CFDP1: variants seen among roughly 807,000 people sequenced by gnomAD.
CFDP1 encodes the protein chromatin remodeling protein CFDP1.
CFDP1 carries 31 observed loss-of-function variants against 40.1 expected under a neutral mutation model. The observed-to-expected ratio is 0.77, with a 90% CI of 0.58 to 1.04. The LOEUF is 1.04. Among genes scored for constraint, CFDP1 ranks in the 50% least tolerant of loss-of-function variants. The pLI is 0.00. For synonymous variants in CFDP1, 167 were observed against 120.0 expected (o/e 1.39, Z -2.56); for missense variants, 423 against 343.4 (o/e 1.23, Z -1.83).
At chr16:75,371,175 A>T (rs1164641150) in intron 5 of CFDP1, among the ~76,000 whole-genome samples, 1 of 152,218 alleles carries the variant, frequency 6.6e-6, no homozygotes, top group Non-Finnish European at 1.5e-5. Flanking sequence ...TTTGTACCGC[A>T]GGATGTTTAG....
intron 5 of CFDP1, among the ~76,000 whole-genome samples, chr16:75,329,833 T>G (rs1297824103): frequency 1.3e-5 from 2 of 152,220 alleles, no homozygotes; most frequent in African/African-American, 4.8e-5. Flanking sequence ...TCTTACTCAG[T>G]GCTAGCAACC....
intron 6 of CFDP1, among the ~76,000 whole-genome samples, chr16:75,303,847 G>T (rs930870057): frequency 3.9e-5 from 6 of 152,154 alleles, no homozygotes; most frequent in African/African-American, 1.4e-4. Context: ...GAGCCTCAGA[G>T]GTGTCCAGTA....
intron 2 of CFDP1, among the ~76,000 whole-genome samples, chr16:75,412,989 A>T (rs940605628): frequency 2.0e-5 from 3 of 152,166 alleles, no homozygotes; most frequent in African/African-American, 7.2e-5. Context: ...ATCACTTAAA[A>T]TCAAAGTATA....
At chr16:75,309,141 G>C (rs1347767069) in intron 5 of CFDP1, among the ~76,000 whole-genome samples, 1 of 152,162 alleles carries the variant, frequency 6.6e-6, no homozygotes. Flanking sequence ...CTTCTTCCTA[G>C]AACCTGTTTG....
At chr16:75,420,102 C>A (rs1189498137) in intron 1 of CFDP1, among the ~76,000 whole-genome samples, 48 of 117,444 alleles carry the variant, frequency 4.1e-4, no homozygotes, top group African/African-American at 1.6e-3. Context: ...CACAGTGAGA[C>A]CTTCATCTCA....
chr16:75,376,757 C>T (rs1009356004), intron 5 of CFDP1, among the ~76,000 whole-genome samples: 2 of 152,098 alleles, frequency 1.3e-5, no homozygotes, highest in African/African-American at 2.4e-5. Context: ...GGGGCAGAAG[C>T]GGCTTTCTGT....
At chr16:75,396,798 A>C (rs2078997860) in intron 4 of CFDP1, among the ~76,000 whole-genome samples, 1 of 151,498 alleles carries the variant, frequency 6.6e-6, no homozygotes, top group Admixed American at 6.6e-5. Context: ...ATCCCTGCCC[A>C]GGCTTTCCAG....
chr16:75,388,360 G>A (rs1032287328), intron 5 of CFDP1, among the ~76,000 whole-genome samples: 1 of 152,220 alleles, frequency 6.6e-6, no homozygotes, highest in Non-Finnish European at 1.5e-5. Context: ...TGAGAAGATA[G>A]TATGTTTGGT....
intron 1 of CFDP1, among the ~76,000 whole-genome samples, chr16:75,431,564 G>A (rs1019651952): frequency 2.6e-5 from 4 of 152,008 alleles, no homozygotes; most frequent in Middle Eastern, 3.2e-3. Context: ...GCTTGAACCG[G>A]GAAGGCAGAG....
chr16:75,394,709 G>C (rs2078982036), intron 5 of CFDP1: 1 of 125,346 alleles, frequency 8.0e-6, no homozygotes. Flanking sequence ...TGTCACCCAG[G>C]CTGGAGTGCA....
chr16:75,358,030 G>A (rs1193071189), intron 5 of CFDP1, among the ~76,000 whole-genome samples: 4 of 152,070 alleles, frequency 2.6e-5, no homozygotes. Flanking sequence ...TTTGTCTCAG[G>A]GAATACAATA....
intron 5 of CFDP1, among the ~76,000 whole-genome samples, chr16:75,368,701 A>C (rs1262851912): frequency 1.3e-5 from 2 of 148,962 alleles, no homozygotes; most frequent in Non-Finnish European, 3.0e-5. Context: ...TTTTTTTTTT[A>C]GACAGGGTCT....
At chr16:75,319,614 C>G (rs2078348463) in intron 5 of CFDP1, among the ~76,000 whole-genome samples, 1 of 152,128 alleles carries the variant, frequency 6.6e-6, no homozygotes, top group Admixed American at 6.5e-5. Context: ...CAGCTCTGGC[C>G]TCCTAGAGGC....
chr16:75,326,535 C>T (rs2078402247), intron 5 of CFDP1, among the ~76,000 whole-genome samples: 1 of 152,216 alleles, frequency 6.6e-6, no homozygotes, highest in African/African-American at 2.4e-5. Flanking sequence ...GAGAATTATG[C>T]AGACACAAAC....
chr16:75,325,229 G>C (rs1240065317), intron 5 of CFDP1, among the ~76,000 whole-genome samples: 1 of 152,110 alleles, frequency 6.6e-6, no homozygotes, highest in South Asian at 2.1e-4. Flanking sequence ...TTAGTTGTGG[G>C]GGACAACATC....
chr16:75,355,226 C>G (rs1438213457), intron 5 of CFDP1, among the ~76,000 whole-genome samples: 1 of 152,132 alleles, frequency 6.6e-6, no homozygotes, highest in East Asian at 1.9e-4. Flanking sequence ...TTGCTGAAGG[C>G]TGGGGTAATT....
intron 5 of CFDP1, among the ~76,000 whole-genome samples, chr16:75,375,577 A>G (rs2078786033): frequency 1.3e-5 from 2 of 152,092 alleles, no homozygotes; most frequent in South Asian, 4.1e-4. Flanking sequence ...GGATCACCTC[A>G]GGTCAGGAGT....
Position 75,433,282 on chromosome 16 carries a change from C to A in CFDP1, c.64+7G>T, listed in dbSNP as rs1318023887. ...ATTCGCTTCTCGCCTCAGGCGGAAT[C>A]GCTCACCCGACGGCACGTAGTCCTC... On this transcript the variant is annotated splice_region_variant and intron_variant, in intron 1 of 6. Transcript: ENST00000283882. 3 of 1,595,796 alleles carry A rather than the reference C, an allele frequency of 1.9e-6. No individual in the cohort carries two copies. The highest frequency in any genetic ancestry group is 1.7e-5 in the Admixed American group (1 of 58,790).
chr16:75,302,365 A>G (rs1314711955), intron 6 of CFDP1, among the ~76,000 whole-genome samples: 1 of 152,140 alleles, frequency 6.6e-6, no homozygotes, highest in Non-Finnish European at 1.5e-5. Context: ...GAGGTGAGCA[A>G]TCCTCACACT....
Sources: gnomAD v4.1 joint callset for allele counts (sites outside exome capture counted in the v4.1 genomes callset) on GRCh38, gnomAD v4.1.1 for gene constraint, MANE v1.5 for transcripts, NCBI Gene and HGNC (gene_info 2026-07-23, HGNC 2026-07-21) for gene names.